The following IMMP2L variants were observed in gnomAD, a reference collection of about 807,000 sequenced individuals.
The protein encoded by IMMP2L is inner mitochondrial membrane peptidase subunit 2.
In IMMP2L, 18 loss-of-function variants were observed where a neutral mutation model predicts 19.3. The observed-to-expected ratio is 0.93, with a 90% CI of 0.64 to 1.38. The LOEUF is 1.38. IMMP2L is among the 40% of genes most tolerant of loss of function. The pLI is 0.00. For synonymous variants in IMMP2L, 76 were observed against 73.0 expected, an observed-to-expected ratio of 1.04 and a Z score of -0.21; for missense variants, 233 against 218.2, an observed-to-expected ratio of 1.07 and a Z score of -0.43.
chr7:111,363,782 T>G (rs556058039), intron 3 of IMMP2L, among the ~76,000 whole-genome samples: 39 of 152,194 alleles, frequency 2.6e-4, no homozygotes, highest in African/African-American at 8.9e-4. Flanking sequence ...ACCTGATCCC[T>G]ATTGACCTCT....
At chr7:110,966,755 T>C (rs895937909) in intron 3 of IMMP2L, among the ~76,000 whole-genome samples, 2 of 152,042 alleles carry the variant, frequency 1.3e-5, no homozygotes, top group Admixed American at 6.6e-5. Context: ...TCAAAATCTA[T>C]ATCTATATTT....
At chr7:111,332,601 A>T (rs1825986838) in intron 3 of IMMP2L, among the ~76,000 whole-genome samples, 1 of 152,018 alleles carries the variant, frequency 6.6e-6, no homozygotes, top group Non-Finnish European at 1.5e-5. Context: ...CATACTACTT[A>T]GAACAAGGCA....
intron 3 of IMMP2L, among the ~76,000 whole-genome samples, chr7:111,290,827 AACACACACAC>A (rs541375499): frequency 5.3e-4 from 71 of 135,080 alleles, no homozygotes; most frequent in Non-Finnish European, 8.2e-4. Context: ...TATATATACA[AACACACACAC>A]ACACACACAC....
In IMMP2L at chr7:111,123,714, A is replaced by C; in HGVS notation, c.240-160149T>G. On this transcript the variant is annotated intron_variant, in intron 3 of 5. Transcript: ENST00000405709. This position sits in a 1 kb window ranked among gnomAD's most constrained non-coding sequence, Gnocchi z 6.4. ...ATAACCTGCCAGATTTAAGAAAAAT[A>C]GAAGCTACTAACAACCCTAGATTGT... 1 of 1,613,960 alleles carries C rather than the reference A, an allele frequency of 6.2e-7. No individual in the cohort carries two copies. Among genetic ancestry groups the C allele is most frequent in the Non-Finnish European group, 8.5e-7 (1 of 1,179,938 alleles).
intron 3 of IMMP2L, among the ~76,000 whole-genome samples, chr7:111,175,779 G>A (rs1806991092): frequency 6.6e-6 from 1 of 151,468 alleles, no homozygotes; most frequent in South Asian, 2.1e-4. Flanking sequence ...GGACAAATGG[G>A]GTCACATCAA....
chr7:110,835,777 T>C (rs1375533276), intron 5 of IMMP2L, among the ~76,000 whole-genome samples: 1 of 128,582 alleles, frequency 7.8e-6, no homozygotes, highest in East Asian at 1.9e-4. Context: ...TTAGAACTCT[T>C]TTAATAATTC....
chr7:111,281,306 G>GGAAA (rs764971909), intron 3 of IMMP2L, among the ~76,000 whole-genome samples: 9 of 147,362 alleles, frequency 6.1e-5, no homozygotes, highest in East Asian at 2.0e-4. Flanking sequence ...AAGGAAGGAA[G>GGAAA]GAAAGAAAGA....
At chr7:110,781,479 C>G (rs143853161) in intron 5 of IMMP2L, among the ~76,000 whole-genome samples, 1 of 151,840 alleles carries the variant, frequency 6.6e-6, no homozygotes, top group East Asian at 2.0e-4. Context: ...CTACCAAATT[C>G]TAATTTGCCA....
chr7:110,991,055 T>C (rs528522555), intron 3 of IMMP2L, among the ~76,000 whole-genome samples: 1 of 152,336 alleles, frequency 6.6e-6, no homozygotes, highest in African/African-American at 2.4e-5. Flanking sequence ...TGAGTTACAC[T>C]GGATTAGCAC....
chr7:111,070,116 A>G (rs1440784237), intron 3 of IMMP2L, among the ~76,000 whole-genome samples: 9 of 152,330 alleles, frequency 5.9e-5, no homozygotes, highest in African/African-American at 2.2e-4. Context: ...ATGTAGGACT[A>G]GATGTAAATT....
chr7:110,698,940 G>A (rs143121816), intron 5 of IMMP2L, among the ~76,000 whole-genome samples: 3 of 152,236 alleles, frequency 2.0e-5, no homozygotes, highest in East Asian at 1.9e-4. Context: ...AAATGCTAAC[G>A]ACATGGTAAT....
At chr7:111,143,588 T>A (rs1219796151) in intron 3 of IMMP2L, among the ~76,000 whole-genome samples, 1 of 152,198 alleles carries the variant, frequency 6.6e-6, no homozygotes, top group African/African-American at 2.4e-5. Flanking sequence ...CCTTTGCTTA[T>A]AAATTCCTGT....
intron 3 of IMMP2L, among the ~76,000 whole-genome samples, chr7:111,218,204 T>C (rs1292556676): frequency 6.6e-6 from 1 of 152,054 alleles, no homozygotes; most frequent in African/African-American, 2.4e-5. Context: ...AAGTATCTGC[T>C]CTGTTCTGAA....
At chr7:110,812,245 T>C (rs1205133927) in intron 5 of IMMP2L, among the ~76,000 whole-genome samples, 1 of 152,002 alleles carries the variant, frequency 6.6e-6, no homozygotes. Flanking sequence ...TTCTAACAAA[T>C]AGAGAAAATA....
At chr7:111,459,466 T>C (rs1839953918) in intron 3 of IMMP2L, among the ~76,000 whole-genome samples, 1 of 152,060 alleles carries the variant, frequency 6.6e-6, no homozygotes, top group African/African-American at 2.4e-5. Context: ...AACTAATCAA[T>C]CAACCAATCA....
intron 4 of IMMP2L, among the ~76,000 whole-genome samples, chr7:110,889,040 G>A (rs1039298424): frequency 4.6e-5 from 7 of 152,124 alleles, no homozygotes; most frequent in Non-Finnish European, 1.0e-4. Flanking sequence ...ATTTTGATAC[G>A]ATTACTCACA....
At chr7:110,938,765 A>G (rs1224545131) in intron 4 of IMMP2L, among the ~76,000 whole-genome samples, 3 of 152,160 alleles carry the variant, frequency 2.0e-5, no homozygotes, top group African/African-American at 7.2e-5. Flanking sequence ...TCTTTTTTTA[A>G]TGGTCACCTA....
intron 3 of IMMP2L, among the ~76,000 whole-genome samples, chr7:111,224,707 T>C (rs545604020): frequency 6.6e-6 from 1 of 152,238 alleles, no homozygotes; most frequent in South Asian, 2.1e-4. Context: ...TTCATAATGA[T>C]ATTAAAATGT....
At chr7:110,698,169 T>A (rs369475248) in intron 5 of IMMP2L, among the ~76,000 whole-genome samples, 163 of 152,294 alleles carry the variant, frequency 1.1e-3, no homozygotes, top group African/African-American at 3.8e-3. Flanking sequence ...ACCCAAACTC[T>A]CCACCATAGT....
Sources: allele counts gnomAD v4.1 joint callset (sites outside exome capture counted in the v4.1 genomes callset), GRCh38; gene constraint gnomAD v4.1.1; non-coding constraint Gnocchi (gnomAD v3.1); transcripts MANE v1.5; gene names NCBI Gene and HGNC (gene_info 2026-07-23, HGNC 2026-07-21).